Variants in CABLES1 observed in about 807,000 individuals in gnomAD.
CABLES1 encodes the protein CDK5 and ABL1 enzyme substrate 1.
In CABLES1, 36 loss-of-function variants were observed where a neutral mutation model predicts 57.8. The observed-to-expected ratio is 0.62, with a 90% CI of 0.48 to 0.82. The LOEUF is 0.82. Ranked by LOEUF, CABLES1 falls within the 40% of genes least tolerant of loss-of-function variation. The pLI, the probability that CABLES1 is intolerant of heterozygous loss-of-function variation, is 0.00. For synonymous variants in CABLES1, 374 were observed against 363.0 expected (o/e 1.03, Z -0.35); for missense variants, 767 against 836.6 (o/e 0.92, Z 1.03).
chr18:23,208,035 C>T (rs1252361285), intron 3 of CABLES1, among the ~76,000 whole-genome samples: 3 of 152,308 alleles, frequency 2.0e-5, no homozygotes, highest in East Asian at 1.9e-4. Context: ...AGGGTTAAGC[C>T]GTGCTTCCCT....
At chr18:23,255,622 C>T (rs1375815104) in intron 9 of CABLES1, among the ~76,000 whole-genome samples, 2 of 149,228 alleles carry the variant, frequency 1.3e-5, no homozygotes, top group Non-Finnish European at 3.0e-5. Context: ...TGCAGTGGCA[C>T]AATCATAGCT....
chr18:23,205,875 A>G (rs1328144231), intron 3 of CABLES1, among the ~76,000 whole-genome samples: 1 of 152,084 alleles, frequency 6.6e-6, no homozygotes, highest in Non-Finnish European at 1.5e-5. Context: ...AGTAAGGGAA[A>G]ACTGGGGCTC....
At chr18:23,165,117 A>G (rs887931443) in intron 1 of CABLES1, among the ~76,000 whole-genome samples, 3 of 152,024 alleles carry the variant, frequency 2.0e-5, no homozygotes, top group African/African-American at 7.2e-5. Context: ...TTTTAGAGAC[A>G]GGGTCTTACT....
intron 7 of CABLES1, among the ~76,000 whole-genome samples, chr18:23,246,936 G>T (rs1375860486): frequency 6.6e-6 from 1 of 152,166 alleles, no homozygotes; most frequent in Non-Finnish European, 1.5e-5. Context: ...CAAGTGATCT[G>T]CCTGCCTCAG....
In CABLES1 at chr18:23,207,367, G is replaced by A. The variant is rs567502504; in HGVS notation, c.1011-6610G>A. Among the ~76,000 whole-genome samples the A allele has an allele frequency of 2.6e-5, 4 of 152,304 alleles. No homozygotes were observed. In the East Asian group the frequency reaches 7.7e-4, roughly 29 times the overall value. The stretch of plus-strand genomic sequence containing the variant: ...ATTCACTCAGTTCCTTGAATAGGCT[G>A]AATGCTCTTTGTCCCAACCTTGACT... On this transcript the variant is annotated intron_variant, in intron 3 of 9. Transcript: ENST00000256925.
At chr18:23,177,763 TCTC>T (rs932112186) in intron 1 of CABLES1, among the ~76,000 whole-genome samples, 9 of 151,948 alleles carry the variant, frequency 5.9e-5, no homozygotes, top group South Asian at 2.1e-4. Flanking sequence ...GGTACTCTCT[TCTC>T]CTCTCCCAAT....
At chr18:23,195,371 T>G (rs986937999) in intron 3 of CABLES1, among the ~76,000 whole-genome samples, 3 of 152,230 alleles carry the variant, frequency 2.0e-5, no homozygotes, top group African/African-American at 7.2e-5. Flanking sequence ...GACTCTCTTG[T>G]TTGATCTCCT....
chr18:23,230,487 G>A (rs2047559682), intron 4 of CABLES1, among the ~76,000 whole-genome samples: 9 of 152,184 alleles, frequency 5.9e-5, no homozygotes, highest in Admixed American at 5.9e-4. Flanking sequence ...CTTAATTCCA[G>A]GCCAGCAAAA....
chr18:23,220,021 C>T (rs769698293), intron 4 of CABLES1, among the ~76,000 whole-genome samples: 7 of 152,066 alleles, frequency 4.6e-5, no homozygotes, highest in Non-Finnish European at 7.4e-5. Context: ...GGCTTGGGAA[C>T]ACTGGAAAAT....
chr18:23,200,407 C>G (rs540133519), intron 3 of CABLES1, among the ~76,000 whole-genome samples: 172 of 152,100 alleles, frequency 1.1e-3, no homozygotes, highest in African/African-American at 3.9e-3. Context: ...CTACAGGCAC[C>G]CGCCACCATG....
chr18:23,158,260 T>C (rs1490157200), intron 1 of CABLES1, among the ~76,000 whole-genome samples: 5 of 152,092 alleles, frequency 3.3e-5, no homozygotes, highest in African/African-American at 9.7e-5. Flanking sequence ...TGTGTTTGCA[T>C]CACTGCATTC....
intron 1 of CABLES1, chr18:23,149,801 C>G (rs1035610468): frequency 6.6e-6 from 1 of 152,250 alleles, no homozygotes; most frequent in Admixed American, 6.5e-5. Flanking sequence ...CCCCAACTTG[C>G]GCCTGTCGCC....
Position 23,227,926 on chromosome 18 carries a change from G to A in CABLES1, c.1089-6682G>A, listed in dbSNP as rs138393472. Among the ~76,000 whole-genome samples, 856 of 152,328 alleles carry A rather than the reference G, an allele frequency of 5.6e-3. 3 individuals are homozygous for A. Among genetic ancestry groups the A allele is most frequent in the African/African-American group, 0.019 (797 of 41,568 alleles). ...CCTATTGTTGTCCTTTGAAGAGCTA[G>A]CGCCTAGTGGAGCTCCTGGCAGGTG... On this transcript the variant is annotated intron_variant, in intron 4 of 9. Transcript: ENST00000256925.
At chr18:23,245,363 T>C (rs189849996) in intron 7 of CABLES1, among the ~76,000 whole-genome samples, 1 of 151,912 alleles carries the variant, frequency 6.6e-6, no homozygotes, top group East Asian at 1.9e-4. Flanking sequence ...ACAAAAAAAA[T>C]AGCCAGGCGT....
intron 1 of CABLES1, among the ~76,000 whole-genome samples, chr18:23,152,579 G>T (rs1366988862): frequency 6.6e-6 from 1 of 151,188 alleles, no homozygotes; most frequent in African/African-American, 2.4e-5. Context: ...CTGCCTCCTG[G>T]GTTCAGGCGA....
At chr18:23,143,471 G>A (rs915107039) in intron 1 of CABLES1, among the ~76,000 whole-genome samples, 1 of 152,206 alleles carries the variant, frequency 6.6e-6, no homozygotes, top group African/African-American at 2.4e-5. Context: ...CTCCGCCCTG[G>A]GCGGGTTTCC....
chr18:23,215,058 T>C (rs564901597), intron 4 of CABLES1, among the ~76,000 whole-genome samples: 1 of 152,360 alleles, frequency 6.6e-6, no homozygotes, highest in East Asian at 1.9e-4. Flanking sequence ...ACTCAGTCAT[T>C]GATGAGATGT....
At chr18:23,248,096 C>T (rs749206754) in intron 7 of CABLES1, among the ~76,000 whole-genome samples, 10 of 152,370 alleles carry the variant, frequency 6.6e-5, no homozygotes, top group South Asian at 2.1e-4. Context: ...GGGCCTGGCG[C>T]GCTCTGCCAC....
chr18:23,209,341 A>G (rs2047386994), intron 3 of CABLES1, among the ~76,000 whole-genome samples: 1 of 152,170 alleles, frequency 6.6e-6, no homozygotes, highest in South Asian at 2.1e-4. Flanking sequence ...TCCCTTGTGG[A>G]TAAGGGGGGA....
Sources: allele counts gnomAD v4.1 joint callset (sites outside exome capture counted in the v4.1 genomes callset), GRCh38; gene constraint gnomAD v4.1.1; transcripts MANE v1.5; gene names NCBI Gene and HGNC (gene_info 2026-07-23, HGNC 2026-07-21).